The following AMY2B variants were observed in gnomAD, a reference collection of about 807,000 sequenced individuals.
The protein encoded by AMY2B is alpha-amylase 2B.
Under a neutral mutation model 59.3 loss-of-function variants are expected in AMY2B, and 63 were observed. The ratio of observed to expected loss-of-function variants is 1.06; its 90% CI spans 0.87 to 1.31. AMY2B has a LOEUF of 1.31. Ranked by LOEUF, AMY2B falls within the 50% of genes most tolerant of loss-of-function variation. The pLI is 0.00. For missense variants in AMY2B, 635 were observed against 626.7 expected (o/e 1.01, Z -0.14); for synonymous variants, 180 against 198.1 (o/e 0.91, Z 0.77).
rs567634939 is a variant in AMY2B at position 103,578,097 on chromosome 1, T to C, written c.1346+252T>C. On this transcript the variant is annotated intron_variant, in intron 9 of 9. Coordinates refer to ENST00000684275, the MANE Select transcript of AMY2B (RefSeq NM_001387437.1). Reference sequence around the variant, plus strand: ...CCCTTGCAATATCTTATGCATATATTGAATGCACATACATATGCTCACCTA... The same window carrying C: ...CCCTTGCAATATCTTATGCATATATCGAATGCACATACATATGCTCACCTA... Among the ~76,000 whole-genome samples, 13 of 152,300 alleles carry C rather than the reference T, an allele frequency of 8.5e-5. No individual in the cohort carries two copies. The East Asian group carries it at 2.5e-3, about 29-fold the overall frequency.
At chr1:103,574,957 A>C (rs1652286637) in intron 5 of AMY2B, among the ~76,000 whole-genome samples, 1 of 151,098 alleles carries the variant, frequency 6.6e-6, no homozygotes, top group South Asian at 2.1e-4. Flanking sequence ...TAAGTATTCC[A>C]TACTTGTATA....
intron 2 of AMY2B, among the ~76,000 whole-genome samples, chr1:103,572,847 C>T (rs1175424933): frequency 1.3e-5 from 2 of 152,096 alleles, no homozygotes; most frequent in East Asian, 1.9e-4. Flanking sequence ...TCTCAATTTA[C>T]CATTACTATA....
intron 5 of AMY2B, among the ~76,000 whole-genome samples, 187 bp from the exon 6 acceptor site, chr1:103,575,036 G>C (rs1488373397): frequency 7.1e-6 from 1 of 141,584 alleles, no homozygotes; most frequent in Non-Finnish European, 1.5e-5. Context: ...ATATATATTT[G>C]AGTGTGTGTT....
At chr1:103,562,672 C>CTTTTTTT (rs373215753) in intron 1 of AMY2B, among the ~76,000 whole-genome samples, 3 of 112,088 alleles carry the variant, frequency 2.7e-5, no homozygotes, top group Non-Finnish European at 3.8e-5. Context: ...GATAACTTGT[C>CTTTTTTT]TTTTTTTTTT....
chr1:103,570,532 T>C, upstream of AMY2B: 2 of 616,058 alleles, frequency 3.2e-6, no homozygotes, highest in Non-Finnish European at 6.4e-6. Flanking sequence ...AAGATCAAGA[T>C]GATCGCATCC....
chr1:103,573,572 G>A, intron 3 of AMY2B, 136 bp from the exon 4 acceptor site: 1 of 1,344,450 alleles, frequency 7.4e-7, no homozygotes, highest in South Asian at 1.3e-5. Flanking sequence ...TAGAATGTGA[G>A]CATCCCCAGC....
intron 5 of AMY2B, 56 bp from the exon 6 acceptor site, chr1:103,575,167 A>C: frequency 6.2e-7 from 1 of 1,609,638 alleles, no homozygotes. Flanking sequence ...CAGTTAAGTT[A>C]CTCGCAAACT....
chr1:103,572,362 A>C, intron 2 of AMY2B, 106 bp downstream of exon 2: 1 of 1,509,326 alleles, frequency 6.6e-7, no homozygotes, highest in Non-Finnish European at 8.8e-7. Flanking sequence ...TTATTTTTTT[A>C]ATTTTACTTC....
chr1:103,579,314 A>G lies in AMY2B; in HGVS notation c.1350A>G (p.Thr450=), dbSNP rs1652482272. 2 of 1,611,620 alleles carry G rather than the reference A, an allele frequency of 1.2e-6. No homozygotes were observed. The highest frequency in any genetic ancestry group is 4.5e-5 in the East Asian group (2 of 44,826). ...AATCTGAAATTTTATTTTACAGGACATTTTCTTTAACTTTGCAAACTGGTC... is the reference window on the plus strand; with the variant it reads ...AATCTGAAATTTTATTTTACAGGACGTTTTCTTTAACTTTGCAAACTGGTC... ...GFIVFNNDDW[T]FSLTLQTGLP... The change falls in exon 10 of 10, where the codon ACA becomes ACG. Residue 450 remains threonine (T), a synonymous_variant. Coordinates refer to ENST00000684275, the MANE Select transcript of AMY2B (RefSeq NM_001387437.1).
chr1:103,575,260 A>T lies in AMY2B; in HGVS notation c.916A>T (p.Arg306Ter). 6.2e-7 allele frequency: 1 copy of T among 1,613,670 alleles called. No individual in the cohort carries two copies. The highest frequency in any genetic ancestry group is 8.5e-7 in the Non-Finnish European group (1 of 1,179,680). The change falls in exon 6 of 10, where the codon AGA becomes TGA. Residue 306 changes from arginine to a stop codon, truncating the protein, a stop_gained. Coordinates refer to ENST00000684275, the MANE Select transcript of AMY2B (RefSeq NM_001387437.1). LOFTEE classifies it high-confidence loss of function. ...AGGTTGGGGTTTCATGCCTTCTGAC[A>T]GAGCACTTGTCTTTGTGGATAACCA... ...GEGWGFMPSD[R>*]ALVFVDNHDN...
intron 9 of AMY2B, 111 bp from the exon 10 acceptor site, chr1:103,579,200 G>A: frequency 6.3e-7 from 1 of 1,580,872 alleles, no homozygotes; most frequent in South Asian, 1.2e-5. Flanking sequence ...TCTTCTTAAT[G>A]AGACTTCACT....
chr1:103,575,516 G>C lies in AMY2B; in HGVS notation c.1077G>C (p.Trp359Cys), dbSNP rs757818865. The change falls in exon 7 of 10, where the codon TGG becomes TGC. Residue 359 changes from tryptophan (W) to cysteine (C), a missense_variant. Coordinates refer to ENST00000684275, the MANE Select transcript of AMY2B (RefSeq NM_001387437.1). ...CACGAGTAATGTCAAGCTACCGTTGGCCAAGACAGTTTCAAAATGGAAACG... is the reference window on the plus strand; with the variant it reads ...CACGAGTAATGTCAAGCTACCGTTGCCCAAGACAGTTTCAAAATGGAAACG... The part of the protein sequence containing the change: ...GFTRVMSSYR[W>C]PRQFQNGNDV... The C allele has an allele frequency of 6.2e-7, 1 of 1,613,620 alleles. No homozygotes were observed. Among genetic ancestry groups the C allele is most frequent in the Admixed American group, 1.7e-5 (1 of 59,970 alleles).
chr1:103,569,708 A>T (rs557524504), upstream of AMY2B: 35 of 403,418 alleles, frequency 8.7e-5, no homozygotes, highest in African/African-American at 6.9e-4. Flanking sequence ...AGGGACTCCT[A>T]TGTGGGCTAC....
intron 7 of AMY2B, among the ~76,000 whole-genome samples, chr1:103,576,457 T>C (rs1016538631): frequency 6.6e-6 from 1 of 152,190 alleles, no homozygotes; most frequent in Non-Finnish European, 1.5e-5. Context: ...TTATTTTTTC[T>C]ATCACTATAA....
chr1:103,579,358 G>A lies in AMY2B; in HGVS notation c.1394G>A (p.Cys465Tyr), dbSNP rs1249415838. ...ACTGGTCTTCCTGCTGGCACATACT[G>A]TGATGTCATTTCTGGAGATAAAATT... ...LQTGLPAGTYCDVISGDKING... is the reference protein window; with the variant it reads ...LQTGLPAGTYYDVISGDKING... The change falls in exon 10 of 10, where the codon TGT (cysteine) becomes TAT (tyrosine). Residue 465 changes from cysteine to tyrosine, a missense_variant. Physicochemically the swap from Cys to Tyr is radical, Grantham distance 194. Coordinates refer to ENST00000684275, the MANE Select transcript of AMY2B (RefSeq NM_001387437.1). The A allele has an allele frequency of 4.3e-6, 7 of 1,611,636 alleles. No individual in the cohort carries two copies. Among genetic ancestry groups the A allele is most frequent in the Non-Finnish European group, 5.1e-6 (6 of 1,179,724 alleles).
At chr1:103,572,392 T>C in intron 2 of AMY2B, 136 bp downstream of exon 2, 1 of 1,443,594 alleles carries the variant, frequency 6.9e-7, no homozygotes, top group Non-Finnish European at 9.2e-7. Flanking sequence ...AACTCAAAAT[T>C]AACCGTTGCC....
chr1:103,564,416 C>A (rs1017448698), intron 1 of AMY2B, among the ~76,000 whole-genome samples: 3 of 152,060 alleles, frequency 2.0e-5, no homozygotes, highest in Non-Finnish European at 4.4e-5. Context: ...TGATACTCAC[C>A]CGTATCCAGT....
At chr1:103,576,910 CAATGACATTGCAT>C (rs1652376492) in intron 7 of AMY2B, among the ~76,000 whole-genome samples, 1 of 152,156 alleles carries the variant, frequency 6.6e-6, no homozygotes, top group African/African-American at 2.4e-5. Flanking sequence ...CTTCCCATTT[CAATGACATTGCAT>C]GGCTTACAGT....
intron 7 of AMY2B, among the ~76,000 whole-genome samples, chr1:103,577,124 G>C (rs993490368): frequency 5.3e-5 from 8 of 152,094 alleles, no homozygotes; most frequent in African/African-American, 1.9e-4. Flanking sequence ...AACAGTCTTA[G>C]CTACTTAGGA....
Sources: allele counts gnomAD v4.1 joint callset (sites outside exome capture counted in the v4.1 genomes callset), GRCh38; gene constraint gnomAD v4.1.1; transcripts MANE v1.5; gene names NCBI Gene and HGNC (gene_info 2026-07-23, HGNC 2026-07-21).